The following NEGR1 variants were observed in gnomAD, a reference collection of about 807,000 sequenced individuals.
NEGR1 encodes the protein neuronal growth regulator 1.
Under a neutral mutation model 40.9 loss-of-function variants are expected in NEGR1, and 10 were observed. That is an observed-to-expected ratio of 0.24 (90% CI 0.15 to 0.42). NEGR1 has a LOEUF of 0.42. Among genes scored for constraint, NEGR1 ranks in the 10% least tolerant of loss-of-function variants. NEGR1 has a pLI of 1.00. For synonymous variants in NEGR1, 185 were observed against 166.8 expected (o/e 1.11, Z -0.84); for missense variants, 352 against 438.9 (o/e 0.80, Z 1.77).
intron 1 of NEGR1, among the ~76,000 whole-genome samples, chr1:72,180,736 T>TCATGACGGAATCATG (rs1354657875): frequency 1.3e-5 from 2 of 151,984 alleles, no homozygotes; most frequent in African/African-American, 4.8e-5. Flanking sequence ...ATGACGGAAA[T>TCATGACGGAATCATG]ACTAATCAAA....
At chr1:71,792,474 T>TCTGTATGAAAAACAA (rs1657153094) in intron 2 of NEGR1, among the ~76,000 whole-genome samples, 1 of 152,176 alleles carries the variant, frequency 6.6e-6, no homozygotes, top group African/African-American at 2.4e-5. Flanking sequence ...TCTTCCACAC[T>TCTGTATGAAAAACAA]TCCTCTTTTT....
At chr1:72,248,614 A>ATTT (rs1204639554) in intron 1 of NEGR1, among the ~76,000 whole-genome samples, 2 of 146,020 alleles carry the variant, frequency 1.4e-5, no homozygotes, top group Non-Finnish European at 3.0e-5. Context: ...TATTATTATT[A>ATTT]TTTTAGACAG....
intron 6 of NEGR1, among the ~76,000 whole-genome samples, chr1:71,455,553 C>T (rs540669515): frequency 6.6e-6 from 1 of 152,206 alleles, no homozygotes; most frequent in Admixed American, 6.5e-5. Context: ...GATAAAACAC[C>T]GTCTCTACTA....
intron 1 of NEGR1, among the ~76,000 whole-genome samples, chr1:72,270,508 GC>G (rs1655806955): frequency 6.6e-6 from 1 of 151,806 alleles, no homozygotes; most frequent in South Asian, 2.1e-4. Context: ...ATAATTATTT[GC>G]TACACTATCC....
At chr1:72,017,988 G>A (rs936844715) in intron 1 of NEGR1, among the ~76,000 whole-genome samples, 10 of 152,026 alleles carry the variant, frequency 6.6e-5, no homozygotes, top group Admixed American at 2.6e-4. Context: ...CTCCATGAGG[G>A]CAGATATTTA....
At chr1:71,848,995 C>A (rs1659513524) in intron 2 of NEGR1, among the ~76,000 whole-genome samples, 1 of 151,608 alleles carries the variant, frequency 6.6e-6, no homozygotes, top group Non-Finnish European at 1.5e-5. Context: ...GCGGCTGAGG[C>A]AGGAGAATTG....
At chr1:71,601,353 C>A (rs1038088177) in intron 5 of NEGR1, among the ~76,000 whole-genome samples, 1 of 152,186 alleles carries the variant, frequency 6.6e-6, no homozygotes, top group Admixed American at 6.5e-5. Context: ...AAAGGGTATG[C>A]TTGTACATGA....
intron 2 of NEGR1, among the ~76,000 whole-genome samples, chr1:71,779,568 T>A (rs1385599104): frequency 1.6e-4 from 1 of 6,422 alleles, no homozygotes; most frequent in African/African-American, 1.7e-4. Context: ...GATAAAAACT[T>A]TTTTTTTTTC....
chr1:71,888,627 A>G (rs1455414080), intron 2 of NEGR1, among the ~76,000 whole-genome samples: 14 of 136,400 alleles, frequency 1.0e-4, no homozygotes, highest in South Asian at 5.6e-4. Context: ...CAAGGCGGCA[A>G]CGAGGCTGGG....
chr1:71,591,255 G>A (rs1244200612), intron 6 of NEGR1, among the ~76,000 whole-genome samples: 4 of 152,122 alleles, frequency 2.6e-5, no homozygotes, highest in Non-Finnish European at 5.9e-5. Flanking sequence ...AGTCTCTTCT[G>A]AAGGCACTAC....
intron 1 of NEGR1, among the ~76,000 whole-genome samples, chr1:72,074,413 G>A (rs943926288): frequency 6.6e-6 from 1 of 151,542 alleles, no homozygotes; most frequent in Non-Finnish European, 1.5e-5. Context: ...TCATTTTTAT[G>A]TGCGAATATA....
intron 5 of NEGR1, among the ~76,000 whole-genome samples, chr1:71,605,244 A>G (rs529939672): frequency 6.2e-4 from 95 of 152,282 alleles, no homozygotes; most frequent in Non-Finnish European, 1.1e-3. Flanking sequence ...GGTATAATGT[A>G]GTGTTTTTAT....
intron 5 of NEGR1, among the ~76,000 whole-genome samples, chr1:71,607,394 T>A (rs1425080737): frequency 6.6e-6 from 1 of 151,962 alleles, no homozygotes; most frequent in Non-Finnish European, 1.5e-5. Context: ...TTTGATAGAC[T>A]CTTAAGGGCC....
At chr1:71,731,580 A>G (rs1246239109) in intron 3 of NEGR1, among the ~76,000 whole-genome samples, 1 of 152,254 alleles carries the variant, frequency 6.6e-6, no homozygotes, top group Non-Finnish European at 1.5e-5. Flanking sequence ...CAACATAAAG[A>G]CAAGATTTTT....
At chr1:72,123,241 A>G (rs1045500366) in intron 1 of NEGR1, among the ~76,000 whole-genome samples, 1 of 151,942 alleles carries the variant, frequency 6.6e-6, no homozygotes, top group Non-Finnish European at 1.5e-5. Context: ...ATTATAAATG[A>G]AAAGTTACTT....
At chr1:71,762,258 A>T (rs1211878337) in intron 3 of NEGR1, among the ~76,000 whole-genome samples, 1 of 149,910 alleles carries the variant, frequency 6.7e-6, no homozygotes, top group Non-Finnish European at 1.5e-5. Flanking sequence ...ATAGAGAAAC[A>T]AAAATGAGAG....
intron 5 of NEGR1, among the ~76,000 whole-genome samples, chr1:71,596,732 C>G (rs1649724909): frequency 6.6e-6 from 1 of 152,200 alleles, no homozygotes; most frequent in Admixed American, 6.5e-5. Context: ...CACTATCTGT[C>G]TTTCCAGGTC....
At chr1:71,520,487 G>T (rs530207561) in intron 6 of NEGR1, among the ~76,000 whole-genome samples, 2 of 151,978 alleles carry the variant, frequency 1.3e-5, no homozygotes, top group Non-Finnish European at 2.9e-5. Flanking sequence ...TCAATACATG[G>T]TTTTGTCTCA....
At chr1:72,229,609 T>A (rs1043451301) in intron 1 of NEGR1, among the ~76,000 whole-genome samples, 9 of 151,192 alleles carry the variant, frequency 6.0e-5, no homozygotes, top group African/African-American at 2.2e-4. Context: ...AATTGTTAAG[T>A]CCTTGAGTGT....
Sources: allele counts gnomAD v4.1 joint callset (sites outside exome capture counted in the v4.1 genomes callset), GRCh38; gene constraint gnomAD v4.1.1; transcripts MANE v1.5; gene names NCBI Gene and HGNC (gene_info 2026-07-23, HGNC 2026-07-21).